Variants in DPP10 observed in about 807,000 individuals in gnomAD.
DPP10 encodes the protein dipeptidyl peptidase like 10.
In DPP10, 33 loss-of-function variants were observed where a neutral mutation model predicts 120.9. The ratio of observed to expected loss-of-function variants is 0.27; its 90% CI spans 0.21 to 0.37. DPP10 has a LOEUF of 0.37. Ranked by LOEUF, DPP10 falls within the 10% of genes least tolerant of loss-of-function variation. The pLI is 1.00. For missense variants in DPP10, 816 were observed against 942.8 expected (o/e 0.87, Z 1.76); for synonymous variants, 337 against 326.1 (o/e 1.03, Z -0.36).
At chr2:114,680,854 C>T (rs142786044) in intron 1 of DPP10, among the ~76,000 whole-genome samples, 3 of 151,866 alleles carry the variant, frequency 2.0e-5, no homozygotes, top group African/African-American at 2.4e-5. Context: ...GTGACTAATA[C>T]GTGGTCCCAT....
intron 7 of DPP10, among the ~76,000 whole-genome samples, chr2:115,715,360 A>G (rs190811899): frequency 3.2e-4 from 43 of 135,530 alleles, no homozygotes; most frequent in Admixed American, 6.8e-4. Context: ...AAAAAAAAAA[A>G]AAAGAAAGAA....
intron 5 of DPP10, among the ~76,000 whole-genome samples, chr2:115,548,431 G>C (rs1015116881): frequency 6.6e-6 from 1 of 152,086 alleles, no homozygotes; most frequent in African/African-American, 2.4e-5. Flanking sequence ...TATTAAAGAC[G>C]AGTTTCCCAG....
At chr2:115,562,538 A>G (rs1432618786) in intron 5 of DPP10, among the ~76,000 whole-genome samples, 2 of 152,132 alleles carry the variant, frequency 1.3e-5, no homozygotes, top group African/African-American at 2.4e-5. Flanking sequence ...AATTGTTTTT[A>G]TCTCTTTTTA....
intron 1 of DPP10, among the ~76,000 whole-genome samples, chr2:114,963,497 A>G (rs1443701867): frequency 6.6e-6 from 1 of 152,246 alleles, no homozygotes; most frequent in Non-Finnish European, 1.5e-5. Context: ...GTATTAACAC[A>G]TATATATCAG....
chr2:114,942,647 A>T (rs1173618442), intron 1 of DPP10, among the ~76,000 whole-genome samples: 1 of 151,700 alleles, frequency 6.6e-6, no homozygotes, highest in East Asian at 1.9e-4. Flanking sequence ...ATCTGCAAAC[A>T]TTCCTACATT....
intron 1 of DPP10, among the ~76,000 whole-genome samples, chr2:115,225,571 G>T (rs2057395480): frequency 6.6e-6 from 1 of 151,860 alleles, no homozygotes; most frequent in Non-Finnish European, 1.5e-5. Flanking sequence ...TACTGAGCTG[G>T]GGATAGATTT....
chr2:114,936,746 A>G (rs1696516611), intron 1 of DPP10, among the ~76,000 whole-genome samples: 1 of 152,160 alleles, frequency 6.6e-6, no homozygotes, highest in Non-Finnish European at 1.5e-5. Context: ...CATCCATGCC[A>G]ACATCTATTA....
At chr2:114,648,774 C>T (rs1696337294) in intron 1 of DPP10, among the ~76,000 whole-genome samples, 2 of 152,204 alleles carry the variant, frequency 1.3e-5, no homozygotes, top group Middle Eastern at 3.4e-3. Flanking sequence ...GCACCCAATG[C>T]TAAATGATAT....
chr2:115,275,243 A>G (rs1294272472), intron 1 of DPP10, among the ~76,000 whole-genome samples: 1 of 152,220 alleles, frequency 6.6e-6, no homozygotes, highest in African/African-American at 2.4e-5. Context: ...TGGATAAACC[A>G]TGCCATTGTC....
At chr2:114,745,649 A>G (rs559464452) in intron 1 of DPP10, among the ~76,000 whole-genome samples, 5 of 152,380 alleles carry the variant, frequency 3.3e-5, no homozygotes, top group South Asian at 2.1e-4. Flanking sequence ...TAATGTGATA[A>G]TTGATTTCCA....
In DPP10 at chr2:115,133,115, ATGTGTGTG is replaced by A. The variant is rs1242932823; in HGVS notation, c.61-176100_61-176093del. 3.7e-3 allele frequency among the ~76,000 whole-genome samples: 276 copies of A among 73,980 alleles called. 2 individuals carry two copies. The highest frequency in any genetic ancestry group is 8.9e-3 in the African/African-American group (140 of 15,780). The allele number at this position is 73,980 out of a possible 152,430, so 48.5% of individuals were successfully genotyped here. On this transcript the variant is annotated intron_variant, in intron 1 of 25. Coordinates refer to ENST00000410059, the MANE Select transcript of DPP10 (RefSeq NM_020868.6). Reference sequence around the variant, plus strand: ...TCCCAATCTATATATATGTATATGTATGTGTGTGTGTGTGTGTGTGTGTGTGTGTGTAT... The same window carrying A: ...TCCCAATCTATATATATGTATATGTATGTGTGTGTGTGTGTGTGTGTGTAT...
At chr2:115,068,897 T>G (rs563874731) in intron 1 of DPP10, among the ~76,000 whole-genome samples, 15 of 152,296 alleles carry the variant, frequency 9.8e-5, no homozygotes, top group African/African-American at 3.6e-4. Context: ...ATTTCTGGGC[T>G]CTCTATACAA....
intron 7 of DPP10, among the ~76,000 whole-genome samples, chr2:115,697,132 T>G (rs949643698): frequency 2.0e-5 from 3 of 151,796 alleles, no homozygotes; most frequent in Admixed American, 1.3e-4. Flanking sequence ...CTATTAAAAA[T>G]TAAACTCAAA....
At chr2:114,705,595 T>G (rs1700639333) in intron 1 of DPP10, among the ~76,000 whole-genome samples, 1 of 152,152 alleles carries the variant, frequency 6.6e-6, no homozygotes, top group Non-Finnish European at 1.5e-5. Flanking sequence ...ATGTTTATAC[T>G]GAGAATATTC....
intron 7 of DPP10, among the ~76,000 whole-genome samples, chr2:115,718,712 A>AT (rs1162682369): frequency 3.3e-5 from 5 of 151,960 alleles, no homozygotes; most frequent in African/African-American, 1.2e-4. Flanking sequence ...AAGATCTTGT[A>AT]TTTTTTTAAT....
chr2:114,758,686 TA>T (rs529347919), intron 1 of DPP10, among the ~76,000 whole-genome samples: 8 of 151,868 alleles, frequency 5.3e-5, no homozygotes, highest in Middle Eastern at 3.4e-3. Context: ...TCCTCTCTGT[TA>T]AAAAAAAGGC....
intron 1 of DPP10, among the ~76,000 whole-genome samples, chr2:115,261,591 G>A (rs1397505608): frequency 6.6e-6 from 1 of 152,144 alleles, no homozygotes; most frequent in Non-Finnish European, 1.5e-5. Context: ...TGCTGGAGAG[G>A]ACAAGGGGAG....
At chr2:115,809,053 G>T (rs1187975505) in intron 19 of DPP10, among the ~76,000 whole-genome samples, 1 of 152,150 alleles carries the variant, frequency 6.6e-6, no homozygotes, top group Non-Finnish European at 1.5e-5. Flanking sequence ...CCTAATGGAA[G>T]AAGATGGGAA....
chr2:115,439,526 G>A (rs1352077861), intron 3 of DPP10, among the ~76,000 whole-genome samples: 1 of 152,086 alleles, frequency 6.6e-6, no homozygotes, highest in East Asian at 1.9e-4. Flanking sequence ...CTTGACAAAC[G>A]TAACCACAGA....
Sources: allele counts gnomAD v4.1 joint callset (sites outside exome capture counted in the v4.1 genomes callset), GRCh38; gene constraint gnomAD v4.1.1; transcripts MANE v1.5; gene names NCBI Gene and HGNC (gene_info 2026-07-23, HGNC 2026-07-21).